The following CACNA1C variants were observed in gnomAD, a reference collection of about 807,000 sequenced individuals.
CACNA1C encodes the protein voltage-dependent L-type calcium channel subunit alpha-1C.
In CACNA1C, 30 loss-of-function variants were observed where a neutral mutation model predicts 229.0. That is an observed-to-expected ratio of 0.13 (90% CI 0.10 to 0.18). CACNA1C has a LOEUF of 0.18. CACNA1C is among the 10% of genes least tolerant of loss of function. The probability of loss-of-function intolerance (pLI) is 1.00; values close to 1 mark genes in which losing one functional copy is unlikely to be tolerated. For missense variants in CACNA1C, 1,658 were observed against 2,845.0 expected, an observed-to-expected ratio of 0.58 and a Z score of 9.49; for synonymous variants, 1,114 against 1,132.5, an observed-to-expected ratio of 0.98 and a Z score of 0.33.
At position 2,029,085 on chromosome 12, in the gene CACNA1C, A is replaced by G. The variant is rs1185520289; in HGVS notation, c.139+57884A>G. Among the ~76,000 whole-genome samples, 1 of 152,086 alleles carries G rather than the reference A, an allele frequency of 6.6e-6. No homozygotes were observed. The highest frequency in any genetic ancestry group is 1.5e-5 in the Non-Finnish European group (1 of 68,010). ...GGACTGGAGGCATGTCTTATGTTAC[A>G]AGTACCTGAGTGAGAACTGAGGCCC... is the stretch of plus-strand genomic sequence containing the variant. On this transcript the variant is annotated intron_variant, in intron 1 of 46. Coordinates refer to the CACNA1C transcript ENST00000682462. The surrounding 1 kb of genome is among the most constrained non-coding windows in gnomAD (Gnocchi z 4.9).
At chr12:2,282,936 T>C (rs994850066) in intron 3 of CACNA1C, among the ~76,000 whole-genome samples, 3 of 152,114 alleles carry the variant, frequency 2.0e-5, no homozygotes, top group Admixed American at 6.5e-5. Context: ...GGTTGCAAGA[T>C]GGTTGTCAAT....
intron 3 of CACNA1C, among the ~76,000 whole-genome samples, chr12:2,157,197 GTTAA>G (rs1470390571): frequency 6.6e-6 from 1 of 152,208 alleles, no homozygotes; most frequent in Non-Finnish European, 1.5e-5. Flanking sequence ...TGGTGCATAT[GTTAA>G]TTAGCTAGAT....
intron 3 of CACNA1C, among the ~76,000 whole-genome samples, chr12:2,280,974 T>A (rs928396000): frequency 2.0e-5 from 3 of 152,224 alleles, no homozygotes; most frequent in Admixed American, 6.5e-5. Flanking sequence ...ATCCTTTTTT[T>A]ATTATACTTT....
At chr12:2,359,024 C>T (rs1256719325) in intron 3 of CACNA1C, among the ~76,000 whole-genome samples, 1 of 152,232 alleles carries the variant, frequency 6.6e-6, no homozygotes, top group Non-Finnish European at 1.5e-5. Context: ...CCTTCTTTCT[C>T]CTTCCACCTC....
At chr12:2,218,521 C>T (rs1274484718) in intron 3 of CACNA1C, among the ~76,000 whole-genome samples, 1 of 152,130 alleles carries the variant, frequency 6.6e-6, no homozygotes, top group African/African-American at 2.4e-5. Flanking sequence ...GCAGAGGAAG[C>T]AGATGCATTA....
intron 4 of CACNA1C, among the ~76,000 whole-genome samples, chr12:2,452,997 A>C (rs1027699443): frequency 1.3e-5 from 2 of 152,148 alleles, no homozygotes; most frequent in African/African-American, 4.8e-5. Context: ...TCAAGGCCTC[A>C]CCAGCTAACA....
chr12:2,263,954 A>G (rs1357530041), intron 3 of CACNA1C, among the ~76,000 whole-genome samples: 1 of 152,188 alleles, frequency 6.6e-6, no homozygotes, highest in Non-Finnish European at 1.5e-5. Context: ...TTGTTCAGCC[A>G]AGTCCTGCCT....
chr12:2,279,501 A>G (rs1328172130), intron 3 of CACNA1C, among the ~76,000 whole-genome samples: 1 of 152,250 alleles, frequency 6.6e-6, no homozygotes, highest in African/African-American at 2.4e-5. Flanking sequence ...CTCTGTTAAT[A>G]GGTGCATGAA....
rs1282095024 is a variant in CACNA1C, at chr12:2,504,365, C to T, written c.1114-477C>T. Reference sequence around the variant, plus strand: ...CGTCTGTCCCCTCCCAATCTGCTCACACCTGCTGCCTGCCTCTTTGCTGTA... The same window carrying T: ...CGTCTGTCCCCTCCCAATCTGCTCATACCTGCTGCCTGCCTCTTTGCTGTA... On this transcript the variant is annotated intron_variant, in intron 7 of 46. Transcript: ENST00000399655. The surrounding 1 kb of genome is among the most constrained non-coding windows in gnomAD (Gnocchi z 6.8). 1.7e-5 allele frequency: 15 copies of T among 861,294 alleles called. No homozygotes were observed. The highest frequency in any genetic ancestry group is 2.6e-5 in the Non-Finnish European group (13 of 499,976). The allele number at this position is 861,294 out of a possible 1,614,324, so 53.4% of individuals were successfully genotyped here.
chr12:2,106,655 G>A (rs1323206510), intron 1 of CACNA1C, among the ~76,000 whole-genome samples: 2 of 65,818 alleles, frequency 3.0e-5, no homozygotes, highest in Admixed American at 1.4e-4. Flanking sequence ...CCCGGGGAGG[G>A]TTTCCACCTC....
At chr12:2,576,751 G>GGT (rs1160895) in intron 13 of CACNA1C, among the ~76,000 whole-genome samples, 129,359 of 151,712 alleles carry the variant, frequency 0.85, 55,278 homozygotes, top group East Asian at 0.99. Context: ...TTATTTAAGT[G>GGT]GTTTCACGTC....
intron 1 of CACNA1C, among the ~76,000 whole-genome samples, chr12:2,040,228 TA>T (rs1366688988): frequency 3.9e-5 from 6 of 152,260 alleles, no homozygotes; most frequent in African/African-American, 1.4e-4. Flanking sequence ...AAAGATGGCT[TA>T]AATGAGGTCT....
At chr12:2,526,783 G>A (rs974127214) in intron 9 of CACNA1C, among the ~76,000 whole-genome samples, 2 of 152,210 alleles carry the variant, frequency 1.3e-5, no homozygotes, top group Non-Finnish European at 2.9e-5. Context: ...AGCCTAAGAA[G>A]AGAATGAATA....
At chr12:2,025,473 G>A (rs1312830371) in intron 1 of CACNA1C, among the ~76,000 whole-genome samples, 1 of 152,168 alleles carries the variant, frequency 6.6e-6, no homozygotes, top group Non-Finnish European at 1.5e-5. Context: ...TTGAGGGCCA[G>A]ACACCTTCTT....
Position 2,607,104 on chromosome 12 carries a change from C to G in CACNA1C, c.3330C>G (p.Thr1110=). 1 of 1,613,658 alleles carries G rather than the reference C, an allele frequency of 6.2e-7. No homozygotes were observed. Residue 1110 remains threonine (T), a synonymous_variant, in exon 26 of 47, where the codon ACC becomes ACG. Coordinates refer to ENST00000399655, the MANE Select transcript of CACNA1C (RefSeq NM_000719.7). ...TGGCAGCCATGATGGCCCTCTTCACCGTCTCCACCTTCGAAGGGTGGCCAG... is the reference window on the plus strand; with the variant it reads ...TGGCAGCCATGATGGCCCTCTTCACGGTCTCCACCTTCGAAGGGTGGCCAG... ...NVLAAMMALF[T]VSTFEGWPEL...
intron 3 of CACNA1C, among the ~76,000 whole-genome samples, chr12:2,360,870 G>T (rs1249664631): frequency 1.3e-5 from 2 of 152,012 alleles, no homozygotes; most frequent in Admixed American, 1.3e-4. Context: ...TCCTAGGGAA[G>T]TTGGGAAGGA....
At chr12:2,357,436 T>G (rs2097404380) in intron 3 of CACNA1C, among the ~76,000 whole-genome samples, 1 of 152,178 alleles carries the variant, frequency 6.6e-6, no homozygotes, top group Non-Finnish European at 1.5e-5. Flanking sequence ...TTGGTTCATC[T>G]TGTATCTGGA....
At chr12:1,984,355 T>C (rs185432774) in intron 1 of CACNA1C, among the ~76,000 whole-genome samples, 43 of 152,238 alleles carry the variant, frequency 2.8e-4, no homozygotes, top group African/African-American at 7.2e-4. Flanking sequence ...TTTTTAGTAT[T>C]CTATTTTATC....
intron 29 of CACNA1C, among the ~76,000 whole-genome samples, chr12:2,618,094 T>C (rs2081522605): frequency 6.6e-6 from 1 of 152,190 alleles, no homozygotes; most frequent in African/African-American, 2.4e-5. Context: ...TGCTCAGGTG[T>C]GGACCTGCTG....
Sources: gnomAD v4.1 joint callset for allele counts (sites outside exome capture counted in the v4.1 genomes callset) on GRCh38, gnomAD v4.1.1 for gene constraint, Gnocchi (gnomAD v3.1) non-coding constraint, MANE v1.5 for transcripts, NCBI Gene and HGNC (gene_info 2026-07-23, HGNC 2026-07-21) for gene names.